RNF38: variants seen among roughly 807,000 people sequenced by gnomAD.
RNF38 encodes ring finger protein 38.
Under a neutral mutation model 67.2 loss-of-function variants are expected in RNF38, and 15 were observed. That is an observed-to-expected ratio of 0.22 (90% CI 0.15 to 0.34). RNF38 has a LOEUF of 0.34. Ranked by LOEUF, RNF38 falls within the 10% of genes least tolerant of loss-of-function variation. The pLI, the probability that RNF38 is intolerant of heterozygous loss-of-function variation, is 1.00. For synonymous variants in RNF38, 220 were observed against 218.8 expected, an observed-to-expected ratio of 1.01 and a Z score of -0.05; for missense variants, 524 against 639.9, an observed-to-expected ratio of 0.82 and a Z score of 1.95.
intron 2 of RNF38, among the ~76,000 whole-genome samples, chr9:36,417,997 C>A (rs1024947038): frequency 6.6e-6 from 1 of 151,312 alleles, no homozygotes. Context: ...TGTTATTTCT[C>A]AGGAGAGAAA....
In RNF38 at chr9:36,339,708, T is replaced by C; in HGVS notation, c.*44A>G. 1 of 1,475,314 alleles carries C rather than the reference T, an allele frequency of 6.8e-7. No individual in the cohort carries two copies. The highest frequency in any genetic ancestry group is 9.4e-7 in the Non-Finnish European group (1 of 1,059,014). 91.4% of individuals were successfully genotyped at this position (1,475,314 alleles called of 1,614,324 possible). On this transcript the variant is annotated 3_prime_UTR_variant, in exon 12 of 12. Coordinates refer to ENST00000259605, the MANE Select transcript of RNF38 (RefSeq NM_022781.5). ...GTTCAATGGATAGTCCGTATATACA[T>C]GTGATGAGGAACACCCAAACTAAAT...
chr9:36,341,380 C>T (rs1215043204), intron 11 of RNF38, among the ~76,000 whole-genome samples: 1 of 152,084 alleles, frequency 6.6e-6, no homozygotes, highest in Non-Finnish European at 1.5e-5. Context: ...TCTTCCTCAC[C>T]AAATAGTAAG....
intron 1 of RNF38, among the ~76,000 whole-genome samples, chr9:36,465,345 TTTTTC>T (rs1839835320): frequency 1.3e-5 from 2 of 152,132 alleles, no homozygotes; most frequent in East Asian, 3.9e-4. Context: ...CAGCATTCTT[TTTTTC>T]TTTTTTTTCT....
chr9:36,349,501 G>GT (rs1332010284), intron 9 of RNF38, among the ~76,000 whole-genome samples: 1 of 152,044 alleles, frequency 6.6e-6, no homozygotes, highest in East Asian at 1.9e-4. Flanking sequence ...ACTGAGTTGT[G>GT]TAAGTTCCTT....
intron 5 of RNF38, 68 bp downstream of exon 5, chr9:36,357,707 T>A: frequency 7.3e-7 from 1 of 1,362,906 alleles, no homozygotes; most frequent in Non-Finnish European, 1.0e-6. Flanking sequence ...AGTCGGGAAG[T>A]TACAAAACCA....
intron 2 of RNF38, among the ~76,000 whole-genome samples, chr9:36,384,011 C>A (rs1436407148): frequency 6.6e-6 from 1 of 152,050 alleles, no homozygotes; most frequent in Admixed American, 6.6e-5. Context: ...TCTAAGGAGG[C>A]CTGCATGGCT....
At chr9:36,342,968 G>A (rs1358041890) in intron 10 of RNF38, among the ~76,000 whole-genome samples, 1 of 152,150 alleles carries the variant, frequency 6.6e-6, no homozygotes, top group East Asian at 1.9e-4. Flanking sequence ...AAAATCTGCA[G>A]ATGTTCAAAT....
intron 1 of RNF38, among the ~76,000 whole-genome samples, chr9:36,464,546 G>A (rs555197785): frequency 9.2e-4 from 139 of 151,872 alleles, no homozygotes; most frequent in African/African-American, 3.3e-3. Flanking sequence ...ACTCCAGCCT[G>A]GGTGACAGAG....
At chr9:36,357,747 T>C (rs775619472) in intron 5 of RNF38, 28 bp downstream of exon 5, 5 of 1,600,382 alleles carry the variant, frequency 3.1e-6, no homozygotes, top group South Asian at 1.1e-5. Flanking sequence ...AATAGTAATA[T>C]CTAATGAGAA....
chr9:36,470,186 G>A (rs1051925226), intron 1 of RNF38, among the ~76,000 whole-genome samples: 1 of 152,064 alleles, frequency 6.6e-6, no homozygotes, highest in African/African-American at 2.4e-5. Flanking sequence ...TGGTGGGGGT[G>A]TCCAGCTTTT....
chr9:36,382,896 A>C (rs964246978), intron 2 of RNF38, among the ~76,000 whole-genome samples: 1 of 152,192 alleles, frequency 6.6e-6, no homozygotes, highest in Admixed American at 6.5e-5. Flanking sequence ...CTTATTCCAC[A>C]ATTAAGGAAA....
intron 1 of RNF38, among the ~76,000 whole-genome samples, chr9:36,463,977 C>G (rs1156668584): frequency 6.6e-6 from 1 of 151,626 alleles, no homozygotes; most frequent in Non-Finnish European, 1.5e-5. Flanking sequence ...ACCATCCTGG[C>G]TAACATGGTG....
At chr9:36,380,911 G>A (rs1365431480) in intron 2 of RNF38, among the ~76,000 whole-genome samples, 2 of 152,174 alleles carry the variant, frequency 1.3e-5, no homozygotes, top group Non-Finnish European at 2.9e-5. Context: ...CTCTCAAGAG[G>A]AATAGAAGAT....
intron 7 of RNF38, 97 bp downstream of exon 7, chr9:36,353,073 C>T (rs1014383267): frequency 9.1e-7 from 1 of 1,101,892 alleles, no homozygotes; most frequent in Non-Finnish European, 1.4e-6. Flanking sequence ...GTCGAGAATA[C>T]ATATAATTCT....
chr9:36,439,790 CA>C (rs1156589143), intron 1 of RNF38, among the ~76,000 whole-genome samples: 6,495 of 76,334 alleles, frequency 0.085, 208 homozygotes, highest in African/African-American at 0.21. Flanking sequence ...GACTCTGTCT[CA>C]AAAAAAAAAA....
At chr9:36,454,963 C>T (rs768357029) in intron 1 of RNF38, among the ~76,000 whole-genome samples, 7 of 152,182 alleles carry the variant, frequency 4.6e-5, no homozygotes, top group Non-Finnish European at 8.8e-5. Flanking sequence ...TCCAACTAAA[C>T]TTCATTTGCT....
At chr9:36,443,089 C>T (rs1161288974) in intron 1 of RNF38, among the ~76,000 whole-genome samples, 1 of 152,230 alleles carries the variant, frequency 6.6e-6, no homozygotes, top group African/African-American at 2.4e-5. Context: ...CAAACACAGG[C>T]TTATGCCACT....
intron 9 of RNF38, among the ~76,000 whole-genome samples, chr9:36,347,145 G>T (rs1341072782): frequency 7.9e-5 from 4 of 50,776 alleles, no homozygotes; most frequent in South Asian, 8.3e-4. Flanking sequence ...GGGGGGGGGG[G>T]GGGGAAGTAA....
chr9:36,416,555 T>C (rs1002033882), intron 2 of RNF38, among the ~76,000 whole-genome samples: 1 of 152,030 alleles, frequency 6.6e-6, no homozygotes, highest in African/African-American at 2.4e-5. Flanking sequence ...CTCCCAAATA[T>C]TGCCCAGGAA....
Sources: gnomAD v4.1 joint callset for allele counts (sites outside exome capture counted in the v4.1 genomes callset) on GRCh38, gnomAD v4.1.1 for gene constraint, MANE v1.5 for transcripts, NCBI Gene and HGNC (gene_info 2026-07-23, HGNC 2026-07-21) for gene names.